The following SATB1 variants were observed in gnomAD, a reference collection of about 807,000 sequenced individuals.
SATB1 encodes the protein SATB homeobox 1.
In SATB1, 11 loss-of-function variants were observed where a neutral mutation model predicts 86.9. That is an observed-to-expected ratio of 0.13 (90% CI 0.08 to 0.21). The LOEUF is 0.21. Among genes scored for constraint, SATB1 ranks in the 10% least tolerant of loss-of-function variants. The pLI is 1.00. For missense variants in SATB1, 551 were observed against 937.6 expected (o/e 0.59, Z 5.39); for synonymous variants, 357 against 357.2 (o/e 1.00, Z 0.01).
chr3:18,395,806 T>A (rs980333592), intron 6 of SATB1, among the ~76,000 whole-genome samples: 1 of 152,214 alleles, frequency 6.6e-6, no homozygotes, highest in Admixed American at 6.5e-5. Context: ...AGGTTCCTCA[T>A]ATGGATTGGC....
chr3:18,436,430 A>G (rs530194732), intron 2 of SATB1, among the ~76,000 whole-genome samples: 8 of 151,738 alleles, frequency 5.3e-5, no homozygotes, highest in Non-Finnish European at 1.2e-4. Context: ...AACACCAAAG[A>G]ATGAAGCTGA....
At chr3:18,413,984 TA>T (rs1559449571) in intron 5 of SATB1, among the ~76,000 whole-genome samples, 1 of 152,066 alleles carries the variant, frequency 6.6e-6, no homozygotes, top group Non-Finnish European at 1.5e-5. Context: ...ATAATCTTCA[TA>T]AGCCTCACAT....
chr3:18,373,537 C>T (rs1370302011), intron 9 of SATB1, among the ~76,000 whole-genome samples: 3 of 152,136 alleles, frequency 2.0e-5, no homozygotes, highest in Non-Finnish European at 4.4e-5. Flanking sequence ...ATTTTTAGCC[C>T]TATTTCTAGC....
chr3:18,434,296 G>A (rs771227324), intron 2 of SATB1, among the ~76,000 whole-genome samples: 1 of 151,946 alleles, frequency 6.6e-6, no homozygotes. Flanking sequence ...GGCATATGCC[G>A]CAGTTTAGGA....
chr3:18,422,765 G>A (rs548480533), intron 1 of SATB1, among the ~76,000 whole-genome samples: 53 of 152,158 alleles, frequency 3.5e-4, no homozygotes, highest in Non-Finnish European at 6.5e-4. Flanking sequence ...TTAGCCCTTG[G>A]GGCAATTTAA....
At chr3:18,411,083 A>T (rs753885411) in intron 5 of SATB1, 2 of 388,972 alleles carry the variant, frequency 5.1e-6, no homozygotes, top group Non-Finnish European at 9.1e-6. Context: ...TTGGAAAATC[A>T]TCTTTCTCAA....
intron 8 of SATB1, among the ~76,000 whole-genome samples, chr3:18,383,689 AT>A (rs1465864153): frequency 2.0e-5 from 3 of 152,068 alleles, no homozygotes; most frequent in Admixed American, 2.0e-4. Context: ...ATTTTAACTC[AT>A]TTTTAATATG....
chr3:18,361,895 A>G (rs1171789022), intron 9 of SATB1, among the ~76,000 whole-genome samples: 1 of 152,172 alleles, frequency 6.6e-6, no homozygotes, highest in Non-Finnish European at 1.5e-5. Flanking sequence ...ATGTGTGTGT[A>G]TGTATAAAGG....
intron 9 of SATB1, among the ~76,000 whole-genome samples, chr3:18,371,791 A>C (rs553432941): frequency 1.3e-5 from 2 of 152,372 alleles, no homozygotes; most frequent in East Asian, 3.9e-4. Flanking sequence ...ACAACTACTG[A>C]GACTTTTAAG....
intron 7 of SATB1, among the ~76,000 whole-genome samples, chr3:18,390,313 A>G (rs1696589438): frequency 1.3e-5 from 2 of 152,148 alleles, no homozygotes; most frequent in South Asian, 4.1e-4. Flanking sequence ...CCTCCCTCCT[A>G]AAAAGAAAAT....
At chr3:18,350,596 C>T (rs1016654548) in intron 10 of SATB1, 31 of 152,200 alleles carry the variant, frequency 2.0e-4, no homozygotes, top group African/African-American at 7.2e-4. Context: ...CCTTTTATAC[C>T]CCTAAGAAGC....
At chr3:18,356,716 C>G (rs1694663549) in intron 9 of SATB1, among the ~76,000 whole-genome samples, 1 of 151,888 alleles carries the variant, frequency 6.6e-6, no homozygotes. Context: ...CTTTTTACAA[C>G]ATTTAATTCA....
upstream of SATB1, among the ~76,000 whole-genome samples, chr3:18,442,509 A>G (rs1699268052): frequency 6.6e-6 from 1 of 152,220 alleles, no homozygotes; most frequent in African/African-American, 2.4e-5. Flanking sequence ...TAAAATGCAT[A>G]GTCATTTAAA....
intron 8 of SATB1, among the ~76,000 whole-genome samples, chr3:18,383,634 AT>A (rs1395640740): frequency 2.6e-5 from 4 of 151,978 alleles, no homozygotes; most frequent in Admixed American, 1.3e-4. Context: ...AAAAGACAAA[AT>A]TTTGCAGTCT....
chr3:18,417,506 T>C (rs772255995), intron 2 of SATB1: 12 of 603,850 alleles, frequency 2.0e-5, no homozygotes, highest in Non-Finnish European at 3.2e-5. Flanking sequence ...ATGATTTTGT[T>C]AATAATAAAC....
At chr3:18,353,312 C>G (rs550990142) in intron 9 of SATB1, among the ~76,000 whole-genome samples, 1 of 152,252 alleles carries the variant, frequency 6.6e-6, no homozygotes, top group East Asian at 1.9e-4. Context: ...ACAGTCATCC[C>G]CATTCTTCTT....
At chr3:18,382,272 G>T (rs1696104204) in intron 8 of SATB1, among the ~76,000 whole-genome samples, 1 of 151,946 alleles carries the variant, frequency 6.6e-6, no homozygotes, top group South Asian at 2.1e-4. Flanking sequence ...AAAAAATGAA[G>T]AATTACATAA....
rs528899174 is a variant in SATB1, at chr3:18,367,610, C to T, written c.1575+10560G>A. On this transcript the variant is annotated intron_variant, in intron 9 of 10. Coordinates refer to ENST00000338745, the MANE Select transcript of SATB1 (RefSeq NM_002971.6). ...ATAAATAAATAATTTGTCTTTGAAA[C>T]GCAGGATTCTTGTAGTCTAACGATT... Among the ~76,000 whole-genome samples the T allele has an allele frequency of 2.0e-4, 31 of 152,230 alleles. No individual in the cohort carries two copies. In the South Asian group the frequency reaches 2.1e-3, roughly 10 times the overall value.
At chr3:18,441,568 CTA>C (rs1266337188), upstream of SATB1, among the ~76,000 whole-genome samples, 5 of 152,042 alleles carry the variant, frequency 3.3e-5, no homozygotes, top group Non-Finnish European at 1.5e-5. Flanking sequence ...ATGGAAGAAA[CTA>C]TGTGTGTAAA....
Sources: allele counts gnomAD v4.1 joint callset (sites outside exome capture counted in the v4.1 genomes callset), GRCh38; gene constraint gnomAD v4.1.1; transcripts MANE v1.5; gene names NCBI Gene and HGNC (gene_info 2026-07-23, HGNC 2026-07-21).